The following NEDD4L variants were observed in gnomAD, a reference collection of about 807,000 sequenced individuals.
The protein encoded by NEDD4L is NEDD4 like E3 ubiquitin protein ligase, also known as E3 ubiquitin-protein ligase NEDD4-like.
Under a neutral mutation model 148.9 loss-of-function variants are expected in NEDD4L, and 54 were observed. The ratio of observed to expected loss-of-function variants is 0.36; its 90% confidence interval spans 0.29 to 0.45. The LOEUF is 0.45. Among genes scored for constraint, NEDD4L ranks in the 20% least tolerant of loss-of-function variants. NEDD4L has a pLI of 1.00. For missense variants in NEDD4L, 856 were observed against 1,233.8 expected (o/e 0.69, Z 4.59); for synonymous variants, 433 against 440.7 (o/e 0.98, Z 0.22).
chr18:58,316,285 G>A (rs993244090), intron 6 of NEDD4L, among the ~76,000 whole-genome samples: 24 of 152,130 alleles, frequency 1.6e-4, no homozygotes, highest in Admixed American at 2.6e-4. Flanking sequence ...TCTCTTTTCT[G>A]CACTTCAGCT....
intron 16 of NEDD4L, among the ~76,000 whole-genome samples, chr18:58,343,396 G>A (rs765142050): frequency 6.6e-6 from 1 of 151,690 alleles, no homozygotes; most frequent in African/African-American, 2.4e-5. Context: ...GTGCTGTTAA[G>A]ATTTTGTTAA....
chr18:58,380,394 G>A (rs2048189095), intron 24 of NEDD4L, among the ~76,000 whole-genome samples: 2 of 151,506 alleles, frequency 1.3e-5, no homozygotes, highest in South Asian at 4.2e-4. Context: ...TCTCGGCTCA[G>A]TGCAACCTCA....
In NEDD4L at chr18:58,256,067, C is replaced by T. The variant is rs1447707287; in HGVS notation, c.297+4013C>T. On this transcript the variant is annotated intron_variant, in intron 5 of 30. Coordinates refer to ENST00000400345, the MANE Select transcript of NEDD4L (RefSeq NM_001144967.3). This position sits in a 1 kb window ranked among gnomAD's most constrained non-coding sequence, Gnocchi z 5.2. ...GAGGGCCTCGCCCCAGAGTGGCTCCCGGGAGCCCTCGCCGAGGGACACCCC... is the reference window on the plus strand; with the variant it reads ...GAGGGCCTCGCCCCAGAGTGGCTCCTGGGAGCCCTCGCCGAGGGACACCCC... The T allele has an allele frequency of 7.3e-6, 9 of 1,228,614 alleles. No homozygotes were observed. The East Asian group carries it at 1.6e-4, about 22-fold the overall frequency. The allele number at this position is 1,228,614 out of a possible 1,614,324, so 76.1% of individuals were successfully genotyped here.
chr18:58,098,193 A>C (rs1480774010), intron 1 of NEDD4L, among the ~76,000 whole-genome samples: 1 of 152,120 alleles, frequency 6.6e-6, no homozygotes, highest in Non-Finnish European at 1.5e-5. Flanking sequence ...AGCTGAGCAG[A>C]GGAGACTTGG....
At chr18:58,168,884 G>A (rs1034242250) in intron 2 of NEDD4L, among the ~76,000 whole-genome samples, 2 of 152,194 alleles carry the variant, frequency 1.3e-5, no homozygotes, top group African/African-American at 4.8e-5. Flanking sequence ...GGTTCCCTGG[G>A]CCACTTGGCC....
At chr18:58,148,988 G>A (rs1055041539) in intron 1 of NEDD4L, among the ~76,000 whole-genome samples, 5 of 152,242 alleles carry the variant, frequency 3.3e-5, no homozygotes, top group African/African-American at 1.2e-4. Context: ...CCTATGAGGA[G>A]CCTAATATTT....
chr18:58,292,859 G>T (rs896344829), intron 5 of NEDD4L, among the ~76,000 whole-genome samples: 2 of 152,148 alleles, frequency 1.3e-5, no homozygotes, highest in Non-Finnish European at 2.9e-5. Flanking sequence ...ATAAACACTT[G>T]CCTGTTAAGT....
intron 1 of NEDD4L, among the ~76,000 whole-genome samples, chr18:58,084,149 G>A (rs1283083823): frequency 6.6e-6 from 1 of 152,202 alleles, no homozygotes; most frequent in Non-Finnish European, 1.5e-5. Flanking sequence ...ACCACATATT[G>A]TGTGATTCCA....
At chr18:58,243,807 TTAAC>T (rs1399290683) in intron 2 of NEDD4L, among the ~76,000 whole-genome samples, 4 of 152,064 alleles carry the variant, frequency 2.6e-5, no homozygotes, top group Non-Finnish European at 4.4e-5. Flanking sequence ...AGAGGCAAGA[TTAAC>T]TAATACCTTC....
rs1244988103 is a variant in NEDD4L, at chr18:58,323,352, G to A, written c.513+18G>A. 3.1e-6 allele frequency: 4 copies of A among 1,291,468 alleles called. No homozygotes were observed. Among genetic ancestry groups the A allele is most frequent in the Non-Finnish European group, 4.4e-6 (4 of 899,542 alleles). 80.0% of individuals were successfully genotyped at this position (1,291,468 alleles called of 1,614,324 possible). On this transcript the variant is annotated intron_variant, in intron 8 of 30. Transcript: ENST00000400345. ...ACATGGAGGTACGTGGAGGGCGTCAGGCCTCTCTCCTTGCCTTGAGATCAT... is the reference window on the plus strand; with the variant it reads ...ACATGGAGGTACGTGGAGGGCGTCAAGCCTCTCTCCTTGCCTTGAGATCAT...
At chr18:58,381,399 C>T (rs1286124583) in intron 24 of NEDD4L, among the ~76,000 whole-genome samples, 1 of 152,194 alleles carries the variant, frequency 6.6e-6, no homozygotes, top group Non-Finnish European at 1.5e-5. Context: ...CATTCAGTAG[C>T]TCTCTGGAAA....
chr18:58,223,456 G>A (rs139195397), intron 2 of NEDD4L, among the ~76,000 whole-genome samples: 90 of 152,278 alleles, frequency 5.9e-4, no homozygotes, highest in African/African-American at 2.1e-3. Flanking sequence ...GGGGCTCTAT[G>A]TACTTATTAA....
At chr18:58,338,177 A>T (rs1260241096) in intron 13 of NEDD4L, among the ~76,000 whole-genome samples, 1 of 152,258 alleles carries the variant, frequency 6.6e-6, no homozygotes, top group Non-Finnish European at 1.5e-5. Context: ...ACAAAGCAGT[A>T]GTGTATTCAG....
chr18:58,332,816 T>C (rs571500308), intron 11 of NEDD4L, among the ~76,000 whole-genome samples: 5 of 152,354 alleles, frequency 3.3e-5, no homozygotes, highest in African/African-American at 1.2e-4. Context: ...GGCTTCTGTG[T>C]GTGACCTGCT....
chr18:58,341,949 A>G (rs1276275884), intron 15 of NEDD4L, among the ~76,000 whole-genome samples, 152 bp downstream of exon 15: 2 of 152,104 alleles, frequency 1.3e-5, no homozygotes, highest in East Asian at 3.8e-4. Context: ...CAGCCTTTCT[A>G]CCTGCTTCTC....
chr18:58,092,229 G>A lies in NEDD4L; in HGVS notation c.48+47521G>A, dbSNP rs186564409. Among the ~76,000 whole-genome samples, 279 of 152,334 alleles carry A rather than the reference G, an allele frequency of 1.8e-3. 1 individual carries two copies. The highest frequency in any genetic ancestry group is 0.01 in the Middle Eastern group (3 of 294). On this transcript the variant is annotated intron_variant, in intron 1 of 30. Coordinates refer to ENST00000400345, the MANE Select transcript of NEDD4L (RefSeq NM_001144967.3). ...GGTGCTAGCTGGAGGAATTGGCAAC[G>A]TCGGAGATAAAGGTGTAGATGCACC...
chr18:58,237,827 C>G (rs548779432), intron 2 of NEDD4L, among the ~76,000 whole-genome samples: 1 of 152,148 alleles, frequency 6.6e-6, no homozygotes, highest in Non-Finnish European at 1.5e-5. Flanking sequence ...TCCCAGGGGT[C>G]TCTGTGACCC....
intron 5 of NEDD4L, among the ~76,000 whole-genome samples, chr18:58,295,425 C>T (rs1448337881): frequency 2.0e-5 from 3 of 152,092 alleles, no homozygotes; most frequent in Admixed American, 6.6e-5. Flanking sequence ...AAGGTTCCTC[C>T]GTGCCTCTTC....
At chr18:58,305,308 C>T (rs998691708) in intron 5 of NEDD4L, among the ~76,000 whole-genome samples, 4 of 152,114 alleles carry the variant, frequency 2.6e-5, no homozygotes, top group African/African-American at 7.2e-5. Flanking sequence ...GTAGCTTCAC[C>T]CAGTGGTTGT....
Sources: gnomAD v4.1 joint callset for allele counts (sites outside exome capture counted in the v4.1 genomes callset) on GRCh38, gnomAD v4.1.1 for gene constraint, Gnocchi (gnomAD v3.1) non-coding constraint, MANE v1.5 for transcripts, NCBI Gene and HGNC (gene_info 2026-07-23, HGNC 2026-07-21) for gene names.